COL20A1: variants seen among roughly 807,000 people sequenced by gnomAD.
COL20A1 encodes the protein collagen alpha-1(XX) chain.
In COL20A1, 164 loss-of-function variants were observed where a neutral mutation model predicts 152.9. That is an observed-to-expected ratio of 1.07 (90% CI 0.94 to 1.22). The LOEUF (loss-of-function observed/expected upper bound fraction) is 1.22. COL20A1 is among the 50% of genes most tolerant of loss of function. The pLI is 0.00. For missense variants in COL20A1, 1,873 were observed against 1,744.8 expected, an observed-to-expected ratio of 1.07 and a Z score of -1.31; for synonymous variants, 864 against 756.0, an observed-to-expected ratio of 1.14 and a Z score of -2.34.
rs1302858351 is a variant in COL20A1, at chr20:63,331,713, T to TA, written c.*998dup. 1.3e-5 allele frequency: 2 copies of TA among 152,190 alleles called. No individual in the cohort carries two copies. The highest frequency in any genetic ancestry group is 4.8e-5 in the African/African-American group (2 of 41,418). The allele number at this position is 152,190 out of a possible 1,614,324, so 9.4% of individuals were successfully genotyped here. A position where few individuals can be genotyped will look rare whatever the true frequency, so the allele number is the denominator to read the frequency against. ...AAATATTCAGTAACTAGTCCACTGT[T>TA]ACCACTTAGGCAGCTAAGCAAGAAA... is the stretch of plus-strand genomic sequence containing the variant. On this transcript the variant is annotated 3_prime_UTR_variant, in exon 36 of 36. Coordinates refer to ENST00000358894, the MANE Select transcript of COL20A1 (RefSeq NM_020882.4).
rs1171238905 is a variant in COL20A1 at position 63,297,383 on chromosome 20, ACCCAGCCCAGGGGACTCAGCCCAGGGGC to A, written c.83-510_83-483del. ...CAGCTCAGGGGACTCAGCTCAGGGG[ACCCAGCCCAGGGGACTCAGCCCAGGGGC>A]CCCAGCCCAGGGGACTTAGCTCAGG... On this transcript the variant is annotated intron_variant, in intron 2 of 35. Transcript: ENST00000358894. Among the ~76,000 whole-genome samples the A allele has an allele frequency of 2.0e-5, 3 of 149,056 alleles. No homozygotes were observed. In the East Asian group the frequency reaches 6.0e-4, roughly 30 times the overall value.
chr20:63,310,116 G>A (rs555669221), intron 10 of COL20A1, among the ~76,000 whole-genome samples: 31 of 152,152 alleles, frequency 2.0e-4, no homozygotes, highest in Non-Finnish European at 4.0e-4. Flanking sequence ...TTTAGTGGCC[G>A]AGGAGGGCAG....
At chr20:63,317,746 C>G (rs2068103725) in intron 21 of COL20A1, among the ~76,000 whole-genome samples, 1 of 152,000 alleles carries the variant, frequency 6.6e-6, no homozygotes, top group African/African-American at 2.4e-5. Flanking sequence ...GCACATGCCC[C>G]CTGTGCTCCG....
rs777540579 is a variant in COL20A1, at chr20:63,309,817, ACCT to A, written c.1171_1173del (p.Ser392del). On this transcript the variant is annotated inframe_deletion, in exon 10 of 36. Transcript: ENST00000358894. Reference sequence around the variant, plus strand: ...CACCAGCCTGGTCCTGAGCCAGGTGACCTCCTCCAGCATCCGCCTGTCCTGGAC... The same window carrying A: ...CACCAGCCTGGTCCTGAGCCAGGTGACCTCCAGCATCCGCCTGTCCTGGAC... The A allele has an allele frequency of 3.7e-6, 6 of 1,608,464 alleles. No individual in the cohort carries two copies. In the South Asian group the frequency reaches 4.4e-5, roughly 12 times the overall value.
rs753608288 is a variant in COL20A1 at position 63,308,077 on chromosome 20, G to A, written c.762G>A (p.Gly254=). 2.9e-5 allele frequency: 46 copies of A among 1,610,354 alleles called. No individual in the cohort carries two copies. The highest frequency in any genetic ancestry group is 3.7e-5 in the Non-Finnish European group (44 of 1,179,758). Residue 254 remains glycine, a synonymous_variant, in exon 7 of 36, where the codon GGG becomes GGA. Coordinates refer to ENST00000358894, the MANE Select transcript of COL20A1 (RefSeq NM_020882.4). ...AAVRRLRYKG[G]NTFTGLALTH... is the part of the protein sequence containing the mutation. ...TGCGCCGCCTCCGCTACAAGGGGGGGAACACGTTCACAGGTACGGCCCAGG... is the reference window on the plus strand; with the variant it reads ...TGCGCCGCCTCCGCTACAAGGGGGGAAACACGTTCACAGGTACGGCCCAGG...
chr20:63,325,649 C>G lies in COL20A1; in HGVS notation c.3349-19C>G. ...GTGACCCTGGCCCCTGCCTGGCCGG[C>G]CCCTCTGTTCTCTCCCAGGGCCACC... is the stretch of plus-strand genomic sequence containing the variant. On this transcript the variant is annotated intron_variant, in intron 28 of 35. Transcript: ENST00000358894. The G allele has an allele frequency of 6.2e-7, 1 of 1,602,002 alleles. No individual in the cohort carries two copies. Among genetic ancestry groups the G allele is most frequent in the Non-Finnish European group, 8.5e-7 (1 of 1,175,550 alleles).
chr20:63,295,052 A>G, intron 1 of COL20A1, 46 bp from the exon 2 acceptor site: 1 of 1,279,786 alleles, frequency 7.8e-7, no homozygotes, highest in Non-Finnish European at 1.1e-6. Context: ...CAGGGAGAGG[A>G]CAGACGGGGG....
At chr20:63,301,088 G>A (rs1298633574) in intron 3 of COL20A1, among the ~76,000 whole-genome samples, 2 of 152,212 alleles carry the variant, frequency 1.3e-5, no homozygotes, top group Admixed American at 6.5e-5. Context: ...GCCAAGGTGG[G>A]CAGATCACTT....
In COL20A1 at chr20:63,313,676, C is replaced by T. The variant is rs2068046197; in HGVS notation, c.2210-67C>T. 8 of 1,449,720 alleles carry T rather than the reference C, an allele frequency of 5.5e-6. No individual in the cohort carries two copies. Among genetic ancestry groups the T allele is most frequent in the Non-Finnish European group, 7.3e-6 (8 of 1,092,720 alleles). The allele number at this position is 1,449,720 out of a possible 1,614,324, so 89.8% of individuals were successfully genotyped here. A position where few individuals can be genotyped will look rare whatever the true frequency, so the allele number is the denominator to read the frequency against. ...GCAGGGTAGGGGCTGGGCAGCTGGTCCTCTGGCCACCGGGTGCCTCCTTTC... is the reference window on the plus strand; with the variant it reads ...GCAGGGTAGGGGCTGGGCAGCTGGTTCTCTGGCCACCGGGTGCCTCCTTTC... On this transcript the variant is annotated intron_variant, in intron 17 of 35. Transcript: ENST00000358894. This position sits in a 1 kb window ranked among gnomAD's most constrained non-coding sequence, Gnocchi z 5.9.
intron 14 of COL20A1, 37 bp downstream of exon 14, chr20:63,312,092 A>G: frequency 2.0e-6 from 3 of 1,516,578 alleles, no homozygotes; most frequent in Non-Finnish European, 2.6e-6. Context: ...GAGTGTCTTG[A>G]GGGACCACAG....
chr20:63,319,490 G>A lies in COL20A1; in HGVS notation c.2810G>A (p.Gly937Glu), dbSNP rs918441585. ...QPLLGVLLDA[G>E]KKSLTYFHRD... ...TGCTCCACCCCTTCCCTGGCAGCCG[G>A]GAAGAAGTCCCTGACCTACTTCCAC... Residue 937 changes from glycine (G) to glutamate (E), a missense_variant, in exon 23 of 36, where the codon GGG (glycine) becomes GAG (glutamate). Coordinates refer to ENST00000358894, the MANE Select transcript of COL20A1 (RefSeq NM_020882.4). This position sits in a 1 kb window ranked among gnomAD's most constrained non-coding sequence, Gnocchi z 4.4. 2.5e-6 allele frequency: 4 copies of A among 1,573,420 alleles called. No individual in the cohort carries two copies. The Admixed American group carries it at 5.5e-5, about 22-fold the overall frequency.
At chr20:63,316,349 C>T (rs1180672816) in intron 20 of COL20A1, among the ~76,000 whole-genome samples, 6 of 151,956 alleles carry the variant, frequency 3.9e-5, no homozygotes, top group African/African-American at 7.3e-5. Flanking sequence ...GGGTGGGGGG[C>T]GATGCCCAGC....
At chr20:63,295,553 T>G (rs999359128) in intron 2 of COL20A1, among the ~76,000 whole-genome samples, 2 of 152,020 alleles carry the variant, frequency 1.3e-5, no homozygotes, top group Non-Finnish European at 2.9e-5. Context: ...ACTGGTGTTT[T>G]GGGCACATAG....
intron 1 of COL20A1, among the ~76,000 whole-genome samples, chr20:63,294,403 A>C (rs1035068657): frequency 6.6e-6 from 1 of 151,394 alleles, no homozygotes; most frequent in East Asian, 2.0e-4. Context: ...GAGCACCCCA[A>C]ATCCAACCTC....
chr20:63,300,935 G>A (rs762401854), intron 3 of COL20A1, among the ~76,000 whole-genome samples: 2 of 152,124 alleles, frequency 1.3e-5, no homozygotes, highest in Admixed American at 6.5e-5. Context: ...TAAAACATGG[G>A]GGATTTTCTA....
Position 63,314,314 on chromosome 20 carries a change from C to A in COL20A1, c.2488+113C>A, listed in dbSNP as rs150225395. 4,914 of 906,778 alleles carry A rather than the reference C, an allele frequency of 5.4e-3. 20 individuals are homozygous for A. Among genetic ancestry groups the A allele is most frequent in the Middle Eastern group, 6.9e-3 (24 of 3,482 alleles). 56.2% of individuals were successfully genotyped at this position (906,778 alleles called of 1,614,324 possible). On this transcript the variant is annotated intron_variant, in intron 19 of 35. Coordinates refer to ENST00000358894, the MANE Select transcript of COL20A1 (RefSeq NM_020882.4). ...AACCCCAGACCCAGCCAACCCCAGA[C>A]CTAGTTGACCCCAGGGGTCACAGGC...
chr20:63,309,085 G>C (rs1017264090), intron 8 of COL20A1, among the ~76,000 whole-genome samples: 1 of 152,210 alleles, frequency 6.6e-6, no homozygotes, highest in Admixed American at 6.5e-5. Context: ...GGGACTCACA[G>C]GCGAATCAAC....
At chr20:63,320,882 C>T (rs963536703) in intron 25 of COL20A1, 131 bp from the exon 26 acceptor site, 7 of 677,790 alleles carry the variant, frequency 1.0e-5, no homozygotes, top group South Asian at 5.7e-5. Context: ...CCCTGACCTT[C>T]GCCCCTGCCT....
At chr20:63,320,540 TG>T (rs2068148187) in intron 25 of COL20A1, among the ~76,000 whole-genome samples, 172 bp downstream of exon 25, 1 of 152,162 alleles carries the variant, frequency 6.6e-6, no homozygotes, top group Non-Finnish European at 1.5e-5. Context: ...CCAGAGGGGC[TG>T]GACAGAGAGT....
Sources: allele counts gnomAD v4.1 joint callset (sites outside exome capture counted in the v4.1 genomes callset), GRCh38; gene constraint gnomAD v4.1.1; non-coding constraint Gnocchi (gnomAD v3.1); transcripts MANE v1.5; gene names NCBI Gene and HGNC (gene_info 2026-07-23, HGNC 2026-07-21).